Variants in MAOB observed in about 807,000 individuals in gnomAD.
MAOB encodes the protein amine oxidase [flavin-containing] B.
MAOB carries 15 observed loss-of-function variants against 41.9 expected under a neutral mutation model. That is an observed-to-expected ratio of 0.36 (90% CI 0.24 to 0.55). MAOB has a LOEUF of 0.55. Among genes scored for constraint, MAOB ranks in the 20% least tolerant of loss-of-function variants. The pLI is 0.86. For synonymous variants in MAOB, 167 were observed against 144.2 expected, an observed-to-expected ratio of 1.16 and a Z score of -1.13; for missense variants, 345 against 398.7, an observed-to-expected ratio of 0.87 and a Z score of 1.15.
chrX:43,863,284 G>A (rs2035344995), intron 1 of MAOB, among the ~76,000 whole-genome samples: 1 of 111,479 alleles, frequency 9.0e-6, no homozygotes, highest in African/African-American at 3.3e-5. Context: ...CCAATAGTCT[G>A]GTATTAGTTA....
In MAOB at chrX:43,767,191, A is replaced by C. The variant is rs1329846893; in HGVS notation, c.*275T>G. The C allele has an allele frequency of 1.6e-5, 5 of 304,250 alleles. No individual in the cohort carries two copies. Among genetic ancestry groups the C allele is most frequent in the African/African-American group, 8.0e-5 (3 of 37,332 alleles). The allele number at this position is 304,250 out of a possible 1,213,427, so 25.1% of individuals were successfully genotyped here. On this transcript the variant is annotated 3_prime_UTR_variant, in exon 15 of 15. Coordinates refer to ENST00000378069, the MANE Select transcript of MAOB (RefSeq NM_000898.5). ...CAAGGTGTGTTGTGGGGCAGCAAGA[A>C]CCTTAAACAAGCCAATTTAACTATT...
chrX:43,787,741 G>A (rs1018905127), intron 8 of MAOB, among the ~76,000 whole-genome samples: 6 of 111,992 alleles, frequency 5.4e-5, no homozygotes, highest in Non-Finnish European at 1.1e-4. Flanking sequence ...AAGAATCAAT[G>A]TGTATCTGAG....
chrX:43,874,109 GA>G (rs1317565707), intron 1 of MAOB, among the ~76,000 whole-genome samples: 1 of 112,063 alleles, frequency 8.9e-6, no homozygotes, highest in African/African-American at 3.2e-5. Context: ...TTTTAAAGAA[GA>G]AAAAATGTAA....
In MAOB at chrX:43,855,495, T is replaced by C. The variant is rs778017114; in HGVS notation, c.47-11731A>G. On this transcript the variant is annotated intron_variant, in intron 1 of 14. Coordinates refer to ENST00000378069, the MANE Select transcript of MAOB (RefSeq NM_000898.5). ...GCATTATCCAGAGCTAAAGGTATCA[T>C]TGAAACAGCAATGCAGAAGCTACAA... 1.6e-4 allele frequency among the ~76,000 whole-genome samples: 18 copies of C among 110,906 alleles called. No individual in the cohort carries two copies. The South Asian group carries it at 7.0e-3, about 43-fold the overall frequency.
At chrX:43,818,169 G>A (rs1400085003) in intron 3 of MAOB, among the ~76,000 whole-genome samples, 1 of 111,950 alleles carries the variant, frequency 8.9e-6, no homozygotes, top group Non-Finnish European at 1.9e-5. Flanking sequence ...TATCTTCAAC[G>A]TTCACCCATG....
chrX:43,877,406 C>T (rs1022040508), intron 1 of MAOB, among the ~76,000 whole-genome samples: 2 of 110,499 alleles, frequency 1.8e-5, no homozygotes, highest in African/African-American at 6.6e-5. Flanking sequence ...GCCCACCAAC[C>T]GGCCCCAACA....
chrX:43,879,641 C>G (rs964263636), intron 1 of MAOB, among the ~76,000 whole-genome samples: 3 of 111,585 alleles, frequency 2.7e-5, no homozygotes, highest in African/African-American at 9.8e-5. Context: ...CTTCATATCC[C>G]TCTTTTTGCT....
intron 1 of MAOB, among the ~76,000 whole-genome samples, chrX:43,864,294 AATAC>A (rs1348400463): frequency 9.0e-6 from 1 of 111,659 alleles, no homozygotes; most frequent in African/African-American, 3.2e-5. Flanking sequence ...ATATATATAC[AATAC>A]ATACATACAT....
At chrX:43,783,614 A>G (rs1280063379) in intron 8 of MAOB, among the ~76,000 whole-genome samples, 1 of 112,388 alleles carries the variant, frequency 8.9e-6, no homozygotes, top group Non-Finnish European at 1.9e-5. Context: ...TTACTAAAAA[A>G]GCTAACAATC....
intron 12 of MAOB, 38 bp from the exon 13 acceptor site, chrX:43,769,456 CAG>C: frequency 8.5e-7 from 1 of 1,171,684 alleles, no homozygotes; most frequent in Non-Finnish European, 1.1e-6. Flanking sequence ...TGGTCAGTCT[CAG>C]AGAGTCAGAG....
chrX:43,845,201 C>T (rs1231657474), intron 1 of MAOB, among the ~76,000 whole-genome samples: 1 of 111,414 alleles, frequency 9.0e-6, no homozygotes, highest in African/African-American at 3.3e-5. Flanking sequence ...AAATCTGGTG[C>T]TCTTCCCATG....
chrX:43,877,088 A>G (rs985349722), intron 1 of MAOB, among the ~76,000 whole-genome samples: 1 of 112,511 alleles, frequency 8.9e-6, no homozygotes, highest in East Asian at 2.8e-4. Context: ...TGTGAAATAG[A>G]TACCATTATT....
At chrX:43,783,112 A>G (rs1199155368) in intron 8 of MAOB, among the ~76,000 whole-genome samples, 2 of 112,375 alleles carry the variant, frequency 1.8e-5, no homozygotes, top group Non-Finnish European at 3.8e-5. Context: ...CACCACTCCT[A>G]TTCAACATAG....
chrX:43,822,367 T>C (rs187012351), intron 3 of MAOB, among the ~76,000 whole-genome samples: 1 of 112,514 alleles, frequency 8.9e-6, no homozygotes, highest in African/African-American at 3.2e-5. Context: ...TCTGTTGCTA[T>C]GAACATTAAT....
intron 8 of MAOB, among the ~76,000 whole-genome samples, chrX:43,781,926 A>T (rs934365207): frequency 2.7e-5 from 3 of 111,757 alleles, no homozygotes; most frequent in Non-Finnish European, 3.8e-5. Context: ...AAAAGAAGAG[A>T]CTGAACACTG....
intron 3 of MAOB, among the ~76,000 whole-genome samples, chrX:43,803,676 T>C (rs1354426315): frequency 8.9e-6 from 1 of 112,068 alleles, no homozygotes; most frequent in Non-Finnish European, 1.9e-5. Context: ...ATACAAAATG[T>C]AAATACAAGT....
At chrX:43,868,410 C>A (rs2035379087) in intron 1 of MAOB, among the ~76,000 whole-genome samples, 1 of 111,808 alleles carries the variant, frequency 8.9e-6, no homozygotes, top group African/African-American at 3.3e-5. Flanking sequence ...GACTGGCCAA[C>A]TGATTTATCT....
chrX:43,781,469 C>T lies in MAOB; in HGVS notation c.1004G>A (p.Gly335Asp), dbSNP rs2147124955. ...AYTLDDTKPE[G>D]NYAAIMGFIL... ...TTACCCCATTATGGCAGCATAGTTGCCTTCAGGTTTGGTATCATCCAACGT... is the reference window on the plus strand; with the variant it reads ...TTACCCCATTATGGCAGCATAGTTGTCTTCAGGTTTGGTATCATCCAACGT... Residue 335 changes from glycine (G) to aspartate (D), a missense_variant, in exon 9 of 15, where the codon GGC becomes GAC. Coordinates refer to ENST00000378069, the MANE Select transcript of MAOB (RefSeq NM_000898.5). The T allele has an allele frequency of 8.4e-7, 1 of 1,192,283 alleles. No individual in the cohort carries two copies. Among genetic ancestry groups the T allele is most frequent in the Non-Finnish European group, 1.1e-6 (1 of 883,398 alleles).
intron 1 of MAOB, among the ~76,000 whole-genome samples, chrX:43,880,864 T>A (rs2035468681): frequency 8.9e-6 from 1 of 112,529 alleles, no homozygotes; most frequent in Non-Finnish European, 1.9e-5. Flanking sequence ...AACTTCAGCT[T>A]CTGTAAGATG....
Sources: gnomAD v4.1 joint callset for allele counts (sites outside exome capture counted in the v4.1 genomes callset) on GRCh38, gnomAD v4.1.1 for gene constraint, MANE v1.5 for transcripts, NCBI Gene and HGNC (gene_info 2026-07-23, HGNC 2026-07-21) for gene names.